The following THEMIS variants were observed in gnomAD, a reference collection of about 807,000 sequenced individuals.
The protein encoded by THEMIS is thymocyte selection associated.
THEMIS carries 37 observed loss-of-function variants against 52.6 expected under a neutral mutation model. That is an observed-to-expected ratio of 0.70 (90% CI 0.54 to 0.93). THEMIS has a LOEUF of 0.93. Among genes scored for constraint, THEMIS ranks in the 40% least tolerant of loss-of-function variants. The pLI is 0.00. For missense variants in THEMIS, 808 were observed against 763.1 expected (o/e 1.06, Z -0.69); for synonymous variants, 292 against 272.7 (o/e 1.07, Z -0.70).
At chr6:127,741,708 A>G (rs1357903811) in intron 4 of THEMIS, among the ~76,000 whole-genome samples, 2 of 152,232 alleles carry the variant, frequency 1.3e-5, no homozygotes, top group African/African-American at 4.8e-5. Flanking sequence ...ACAGAGATCA[A>G]ATTAATTTCT....
chr6:127,778,224 C>A (rs942741731), intron 4 of THEMIS, among the ~76,000 whole-genome samples: 2 of 152,012 alleles, frequency 1.3e-5, no homozygotes, highest in African/African-American at 4.8e-5. Context: ...CAAACAGAAG[C>A]AAATATAAAA....
Position 127,816,857 on chromosome 6 carries a change from C to T in THEMIS, c.710-2926G>A, listed in dbSNP as rs1323855210. On this transcript the variant is annotated intron_variant, in intron 3 of 5. Coordinates refer to ENST00000368248, the MANE Select transcript of THEMIS (RefSeq NM_001010923.3). The stretch of plus-strand genomic sequence containing the variant: ...CTCACTCTAACTCCCCGCTGTCTCC[C>T]GGACCTCCTCATTGTCAGTCAGATC... Among the ~76,000 whole-genome samples, 9 of 152,250 alleles carry T rather than the reference C, an allele frequency of 5.9e-5. No individual in the cohort carries two copies. In the East Asian group the frequency reaches 1.7e-3, roughly 29 times the overall value.
chr6:127,875,186 G>A (rs773628393), intron 1 of THEMIS, among the ~76,000 whole-genome samples: 24 of 152,210 alleles, frequency 1.6e-4, no homozygotes, highest in Non-Finnish European at 2.5e-4. Context: ...GGAACCACTG[G>A]AGTAAAAGAT....
rs772090921 is a variant in THEMIS, at chr6:127,799,956, G to A, written c.1758+12927C>T. Among the ~76,000 whole-genome samples the A allele has an allele frequency of 6.2e-4, 94 of 152,136 alleles. 1 individual carries two copies. Among genetic ancestry groups the A allele is most frequent in the Non-Finnish European group, 8.1e-4 (55 of 68,022 alleles). ...TCACAATTTTTATTAGGGGAAAAAA[G>A]CATCAATTAGCCATGGCTTGAATTT... On this transcript the variant is annotated intron_variant, in intron 4 of 5. Transcript: ENST00000368248.
chr6:127,806,728 A>G (rs750616159), intron 4 of THEMIS, among the ~76,000 whole-genome samples: 9 of 152,224 alleles, frequency 5.9e-5, no homozygotes, highest in Non-Finnish European at 1.2e-4. Flanking sequence ...TCCAGATAGA[A>G]GTATCAACAC....
intron 4 of THEMIS, among the ~76,000 whole-genome samples, chr6:127,810,863 G>T (rs1309509893): frequency 2.2e-5 from 3 of 137,700 alleles, no homozygotes; most frequent in African/African-American, 7.6e-5. Flanking sequence ...ACTCTTAGCA[G>T]TAGGCTGGAA....
At chr6:127,835,753 T>A (rs1388794927) in intron 2 of THEMIS, among the ~76,000 whole-genome samples, 1 of 152,110 alleles carries the variant, frequency 6.6e-6, no homozygotes, top group Non-Finnish European at 1.5e-5. Context: ...AGCAAAAATT[T>A]CCAGGAATGA....
At chr6:127,890,443 G>C (rs970598898) in intron 1 of THEMIS, among the ~76,000 whole-genome samples, 2 of 152,132 alleles carry the variant, frequency 1.3e-5, no homozygotes, top group African/African-American at 4.8e-5. Flanking sequence ...GGGTAGCGGG[G>C]AGAAGGGGGT....
At chr6:127,910,013 AAAATTTAATCTCTTGAG>A (rs1781371720) in intron 1 of THEMIS, 2 of 152,224 alleles carry the variant, frequency 1.3e-5, no homozygotes, top group Non-Finnish European at 2.9e-5. Flanking sequence ...ACTTACCCAC[AAAATTTAATCTCTTGAG>A]AAACTCTCAG....
At chr6:127,865,222 C>T (rs1562309331) in intron 1 of THEMIS, among the ~76,000 whole-genome samples, 3 of 152,132 alleles carry the variant, frequency 2.0e-5, no homozygotes, top group African/African-American at 7.2e-5. Context: ...AAAAAACAGA[C>T]ATCCACCAAA....
intron 4 of THEMIS, among the ~76,000 whole-genome samples, chr6:127,761,439 G>A (rs895464723): frequency 6.6e-6 from 1 of 152,136 alleles, no homozygotes; most frequent in Non-Finnish European, 1.5e-5. Flanking sequence ...GGACTTCCCT[G>A]GGACTCCACA....
At chr6:127,901,446 C>T (rs985870347), upstream of THEMIS, among the ~76,000 whole-genome samples, 2 of 151,998 alleles carry the variant, frequency 1.3e-5, no homozygotes, top group Admixed American at 6.6e-5. Flanking sequence ...ACTGTCAGTG[C>T]CTTTACATTA....
At chr6:127,874,832 G>A (rs1370400867) in intron 1 of THEMIS, among the ~76,000 whole-genome samples, 1 of 152,232 alleles carries the variant, frequency 6.6e-6, no homozygotes, top group African/African-American at 2.4e-5. Flanking sequence ...TTGTATTACA[G>A]TTTTGTAAGA....
chr6:127,893,622 T>A (rs76805918), intron 1 of THEMIS, among the ~76,000 whole-genome samples: 3,768 of 152,222 alleles, frequency 0.025, 183 homozygotes, highest in African/African-American at 0.086. Context: ...TTGAGCAACA[T>A]GTTCTTGTGA....
At chr6:127,707,715 A>G (rs1328547564), downstream of THEMIS, among the ~76,000 whole-genome samples, 5 of 152,228 alleles carry the variant, frequency 3.3e-5, no homozygotes, top group East Asian at 3.9e-4. Context: ...ACATGTTATC[A>G]TCTTCCTTTT....
intron 4 of THEMIS, among the ~76,000 whole-genome samples, chr6:127,743,858 C>T (rs1348360026): frequency 1.3e-5 from 2 of 152,042 alleles, no homozygotes; most frequent in African/African-American, 4.8e-5. Context: ...CATGTTATGA[C>T]TACAGGTATT....
chr6:127,895,418 C>T (rs1780934950), intron 1 of THEMIS, among the ~76,000 whole-genome samples: 1 of 151,434 alleles, frequency 6.6e-6, no homozygotes, highest in African/African-American at 2.4e-5. Context: ...AAAATATAAA[C>T]TATTAGAATT....
chr6:127,846,518 G>A (rs1304565397), intron 2 of THEMIS, among the ~76,000 whole-genome samples: 1 of 151,794 alleles, frequency 6.6e-6, no homozygotes, highest in Non-Finnish European at 1.5e-5. Flanking sequence ...ACCTTTATGT[G>A]AACAAACTAG....
chr6:127,798,475 ACT>A (rs1777407359), intron 4 of THEMIS, among the ~76,000 whole-genome samples: 1 of 152,168 alleles, frequency 6.6e-6, no homozygotes, highest in African/African-American at 2.4e-5. Context: ...TCTAGCTTAC[ACT>A]CTGAGTAGTA....
Sources: allele counts gnomAD v4.1 joint callset (sites outside exome capture counted in the v4.1 genomes callset), GRCh38; gene constraint gnomAD v4.1.1; transcripts MANE v1.5; gene names NCBI Gene and HGNC (gene_info 2026-07-23, HGNC 2026-07-21).